Variants in PARP8 observed in about 807,000 individuals in gnomAD.
The protein encoded by PARP8 is protein mono-ADP-ribosyltransferase PARP8.
In PARP8, 51 loss-of-function variants were observed where a neutral mutation model predicts 124.1. That is an observed-to-expected ratio of 0.41 (90% confidence interval 0.33 to 0.52). PARP8 has a LOEUF of 0.52. Ranked by LOEUF, PARP8 falls within the 20% of genes least tolerant of loss-of-function variation. The pLI, the probability that PARP8 is intolerant of heterozygous loss-of-function variation, is 0.21. For synonymous variants in PARP8, 391 were observed against 361.5 expected (o/e 1.08, Z -0.93); for missense variants, 860 against 1,018.9 (o/e 0.84, Z 2.12).
intron 2 of PARP8, among the ~76,000 whole-genome samples, chr5:50,744,270 T>C (rs1277355597): frequency 6.6e-6 from 1 of 152,220 alleles, no homozygotes; most frequent in East Asian, 1.9e-4. Context: ...CCAGACTCTA[T>C]CTGTTCTTAG....
intron 2 of PARP8, among the ~76,000 whole-genome samples, chr5:50,747,065 A>T (rs1173710522): frequency 6.6e-6 from 1 of 151,792 alleles, no homozygotes; most frequent in Non-Finnish European, 1.5e-5. Context: ...AATTTGCTTT[A>T]TGAAATAAAA....
intron 2 of PARP8, among the ~76,000 whole-genome samples, chr5:50,722,001 A>G (rs1755939819): frequency 6.6e-6 from 1 of 152,072 alleles, no homozygotes; most frequent in African/African-American, 2.4e-5. Context: ...AAACATGACT[A>G]AGTAGCTGAA....
At chr5:50,840,699 TA>T (rs2149733803) in intron 25 of PARP8, among the ~76,000 whole-genome samples, 1 of 151,928 alleles carries the variant, frequency 6.6e-6, no homozygotes, top group East Asian at 1.9e-4. Context: ...GATTCATGTA[TA>T]AAACCATCAT....
At chr5:50,770,213 C>A (rs1448857027) in intron 7 of PARP8, among the ~76,000 whole-genome samples, 2 of 152,064 alleles carry the variant, frequency 1.3e-5, no homozygotes, top group Non-Finnish European at 2.9e-5. Flanking sequence ...TTCTCAATTT[C>A]TGTTCTTACC....
intron 9 of PARP8, among the ~76,000 whole-genome samples, chr5:50,779,929 A>G (rs934877967): frequency 6.6e-6 from 1 of 152,200 alleles, no homozygotes; most frequent in African/African-American, 2.4e-5. Flanking sequence ...AATATAAATT[A>G]CATATTCTAA....
intron 23 of PARP8, among the ~76,000 whole-genome samples, chr5:50,833,134 C>G (rs1325325321): frequency 6.6e-6 from 1 of 152,064 alleles, no homozygotes; most frequent in East Asian, 1.9e-4. Flanking sequence ...CTCTTGGAGC[C>G]TACATCCTAC....
At chr5:50,671,793 CTG>C (rs1429655552) in intron 2 of PARP8, among the ~76,000 whole-genome samples, 1 of 151,956 alleles carries the variant, frequency 6.6e-6, no homozygotes, top group Non-Finnish European at 1.5e-5. Flanking sequence ...GAGTATGACT[CTG>C]TATAATAATA....
chr5:50,679,024 C>T (rs905992665), intron 2 of PARP8, among the ~76,000 whole-genome samples: 1 of 152,090 alleles, frequency 6.6e-6, no homozygotes, highest in African/African-American at 2.4e-5. Context: ...GTAACATGTA[C>T]TATTATTGAA....
intron 2 of PARP8, among the ~76,000 whole-genome samples, chr5:50,736,848 C>G (rs1490699911): frequency 6.6e-6 from 1 of 152,022 alleles, no homozygotes; most frequent in Non-Finnish European, 1.5e-5. Context: ...AACAAAAAAC[C>G]TGCAGTGAGA....
rs1302255316 is a variant in PARP8 at position 50,832,847 on chromosome 5, C to T, written c.2300C>T (p.Thr767Ile). 2 of 1,613,036 alleles carry T rather than the reference C, an allele frequency of 1.2e-6. No individual in the cohort carries two copies. ...EPASSSKSSN[T>I]SQSQKKGQQS... is the part of the protein sequence containing the mutation. ...GCTTCAAGCAGTAAAAGCAGCAATA[C>T]ATCACAGGTGTTGTAGTGACTTTAG... is the stretch of plus-strand genomic sequence containing the variant. Residue 767 changes from threonine (T) to isoleucine (I), a missense_variant, in exon 23 of 26, where the codon ACA (threonine) becomes ATA (isoleucine). Around this residue, in one of 2 missense-constraint regions of PARP8, gnomAD observed 343 missense variants for 474.7 expected, o/e 0.72. Coordinates refer to ENST00000281631, the MANE Select transcript of PARP8 (RefSeq NM_024615.4).
chr5:50,821,182 G>T (rs1745722969), intron 15 of PARP8, 31 bp from the exon 16 acceptor site: 1 of 1,612,700 alleles, frequency 6.2e-7, no homozygotes, highest in Non-Finnish European at 8.5e-7. Context: ...AAACCTGAAG[G>T]GTAGTAACTA....
Position 50,815,433 on chromosome 5 carries a change from C to A in PARP8, c.1577C>A (p.Pro526His). The stretch of plus-strand genomic sequence containing the variant: ...GATTGATTCCTTTTTCTTTTGTAGC[C>A]TACCGTATGTGAACGGGAGCTGTGT... The part of the protein sequence containing the change: ...HVFQNGPMLR[P>H]TVCERELCVF... Residue 526 changes from proline to histidine, a missense_variant and splice_region_variant, in exon 15 of 26, where the codon CCT (proline) becomes CAT (histidine). Transcript: ENST00000281631. 6.4e-7 allele frequency: 1 copy of A among 1,563,718 alleles called. No homozygotes were observed. The highest frequency in any genetic ancestry group is 8.6e-7 in the Non-Finnish European group (1 of 1,159,244).
In PARP8 at chr5:50,705,781, CA is replaced by C. The variant is rs575700156; in HGVS notation, c.146+37666del. Among the ~76,000 whole-genome samples the C allele has an allele frequency of 8.0e-4, 116 of 145,796 alleles. 1 individual carries two copies. In the South Asian group the frequency reaches 0.01, roughly 13 times the overall value. On this transcript the variant is annotated intron_variant, in intron 2 of 25. Coordinates refer to ENST00000281631, the MANE Select transcript of PARP8 (RefSeq NM_024615.4). ...CTAGGTGACACAAGACTCTGTTTCC[CA>C]AAAAAAAAAGGGGGGTTGATGGGTC...
chr5:50,725,096 C>G (rs1756291137), intron 2 of PARP8, among the ~76,000 whole-genome samples: 1 of 145,614 alleles, frequency 6.9e-6, no homozygotes, highest in Non-Finnish European at 1.5e-5. Flanking sequence ...TATATATACA[C>G]ATATGTGTAT....
intron 14 of PARP8, among the ~76,000 whole-genome samples, chr5:50,809,871 TA>T (rs1744245203): frequency 6.6e-6 from 1 of 152,058 alleles, no homozygotes; most frequent in Admixed American, 6.6e-5. Context: ...TTTCTCTACA[TA>T]AATACATAGC....
chr5:50,780,479 C>T (rs776286221), intron 9 of PARP8, among the ~76,000 whole-genome samples: 13 of 152,118 alleles, frequency 8.5e-5, no homozygotes, highest in Non-Finnish European at 1.3e-4. Context: ...ACCTCTGATA[C>T]TTATTTTTTG....
chr5:50,722,435 G>A (rs777331717), intron 2 of PARP8, among the ~76,000 whole-genome samples: 58 of 152,016 alleles, frequency 3.8e-4, no homozygotes, highest in Non-Finnish European at 7.5e-4. Context: ...AGCCTTAGCC[G>A]ATAGTGGGAC....
At chr5:50,718,719 A>G (rs1358190615) in intron 2 of PARP8, among the ~76,000 whole-genome samples, 1 of 151,930 alleles carries the variant, frequency 6.6e-6, no homozygotes, top group Admixed American at 6.6e-5. Flanking sequence ...GCATTTATCT[A>G]TTGATGGACA....
intron 9 of PARP8, among the ~76,000 whole-genome samples, chr5:50,779,414 G>A (rs989942475): frequency 2.0e-5 from 3 of 152,176 alleles, no homozygotes; most frequent in Admixed American, 2.0e-4. Context: ...AGGCCTCACT[G>A]GGTTGGATAC....
Sources: allele counts gnomAD v4.1 joint callset (sites outside exome capture counted in the v4.1 genomes callset), GRCh38; gene constraint gnomAD v4.1.1; regional missense constraint gnomAD v4.1.1; transcripts MANE v1.5; gene names NCBI Gene and HGNC (gene_info 2026-07-23, HGNC 2026-07-21).